PLAAT1: variants seen among roughly 807,000 people sequenced by gnomAD.
PLAAT1 encodes the protein H-REV107 protein-related protein.
In PLAAT1, 13 loss-of-function variants were observed where a neutral mutation model predicts 16.4. The ratio of observed to expected loss-of-function variants is 0.79; its 90% CI spans 0.52 to 1.26. PLAAT1 has a LOEUF of 1.26. PLAAT1 is among the 50% of genes most tolerant of loss of function. PLAAT1 has a pLI of 0.00. For synonymous variants in PLAAT1, 73 were observed against 78.4 expected (o/e 0.93, Z 0.36); for missense variants, 218 against 207.8 (o/e 1.05, Z -0.30).
intron 2 of PLAAT1, among the ~76,000 whole-genome samples, chr3:193,259,237 A>T (rs997873339): frequency 6.6e-6 from 1 of 152,132 alleles, no homozygotes; most frequent in African/African-American, 2.4e-5. Context: ...AAGGAACATA[A>T]CCTCAAAATA....
intron 2 of PLAAT1, among the ~76,000 whole-genome samples, chr3:193,256,085 A>G (rs1309027033): frequency 7.9e-5 from 12 of 152,176 alleles, no homozygotes; most frequent in Admixed American, 7.9e-4. Context: ...CAGTGTCTTT[A>G]TGTTTCACAC....
chr3:193,247,016 TA>T, intron 1 of PLAAT1, among the ~76,000 whole-genome samples: 1 of 152,206 alleles, frequency 6.6e-6, no homozygotes, highest in Non-Finnish European at 1.5e-5. Flanking sequence ...GATTGTTTAT[TA>T]CAATTCAATT....
chr3:193,272,064 C>T (rs1462108427), downstream of PLAAT1, among the ~76,000 whole-genome samples: 1 of 152,112 alleles, frequency 6.6e-6, no homozygotes, highest in Non-Finnish European at 1.5e-5. Flanking sequence ...CTACCAGGAA[C>T]TAATGAGAGA....
intron 1 of PLAAT1, among the ~76,000 whole-genome samples, chr3:193,251,859 T>C (rs1463166570): frequency 1.3e-5 from 2 of 152,154 alleles, no homozygotes; most frequent in Non-Finnish European, 2.9e-5. Context: ...TTAGTGTGTT[T>C]GTAGGAGAAG....
At chr3:193,261,995 C>T (rs1390568017) in intron 2 of PLAAT1, among the ~76,000 whole-genome samples, 1 of 152,168 alleles carries the variant, frequency 6.6e-6, no homozygotes, top group African/African-American at 2.4e-5. Context: ...GTTTTGCTTT[C>T]AGTCATTACT....
chr3:193,270,565 A>G, intron 3 of PLAAT1, 39 bp from the exon 4 acceptor site: 1 of 1,594,542 alleles, frequency 6.3e-7, no homozygotes, highest in East Asian at 2.2e-5. Context: ...TGTCTTTAGA[A>G]TATGATGTGT....
chr3:193,255,426 A>G (rs989702500), intron 1 of PLAAT1, among the ~76,000 whole-genome samples: 8 of 152,202 alleles, frequency 5.3e-5, no homozygotes, highest in East Asian at 1.9e-4. Context: ...AAGCATTACT[A>G]TAGAAAATTA....
intron 3 of PLAAT1, among the ~76,000 whole-genome samples, chr3:193,270,386 T>C (rs1343823668): frequency 6.6e-6 from 1 of 152,206 alleles, no homozygotes; most frequent in Non-Finnish European, 1.5e-5. Flanking sequence ...GAGGAATATA[T>C]ACCCATGTGT....
At chr3:193,267,782 T>C (rs1716832016) in intron 3 of PLAAT1, among the ~76,000 whole-genome samples, 1 of 152,228 alleles carries the variant, frequency 6.6e-6, no homozygotes, top group Admixed American at 6.5e-5. Flanking sequence ...TGTAAGACAC[T>C]GCCAAACTAT....
downstream of PLAAT1, chr3:193,275,193 G>A (rs1717132933): frequency 1.2e-6 from 2 of 1,614,186 alleles, no homozygotes; most frequent in South Asian, 1.1e-5. Context: ...GGGAGGCCAG[G>A]TTGAGTCTTC....
downstream of PLAAT1, chr3:193,275,008 C>G (rs754145568): frequency 3.7e-6 from 6 of 1,607,508 alleles, no homozygotes; most frequent in East Asian, 1.3e-4. Context: ...GGGAAAAAAG[C>G]AATGCTGTTG....
At chr3:193,252,148 G>C (rs1036049094) in intron 1 of PLAAT1, among the ~76,000 whole-genome samples, 1 of 152,142 alleles carries the variant, frequency 6.6e-6, no homozygotes, top group African/African-American at 2.4e-5. Context: ...ATGGTGGAAT[G>C]CAATGGGGGA....
chr3:193,253,304 TG>T (rs1458454259), intron 1 of PLAAT1, among the ~76,000 whole-genome samples: 2 of 152,346 alleles, frequency 1.3e-5, no homozygotes, highest in South Asian at 2.1e-4. Flanking sequence ...TAACAGTTTA[TG>T]AATCAATTTA....
intron 3 of PLAAT1, among the ~76,000 whole-genome samples, chr3:193,268,587 A>G (rs1335395256): frequency 6.6e-6 from 1 of 152,232 alleles, no homozygotes; most frequent in Non-Finnish European, 1.5e-5. Flanking sequence ...AATCTTGCAC[A>G]TCACATCCCA....
At chr3:193,263,857 A>G (rs12489522) in intron 3 of PLAAT1, among the ~76,000 whole-genome samples, 125,857 of 152,084 alleles carry the variant, frequency 0.83, 52,236 homozygotes, top group East Asian at 0.91. Flanking sequence ...TAGTATGACA[A>G]ATTTCTAGCT....
At chr3:193,277,407 G>A (rs1471036689) in intron 2 of PLAAT1, among the ~76,000 whole-genome samples, 1 of 152,086 alleles carries the variant, frequency 6.6e-6, no homozygotes, top group Non-Finnish European at 1.5e-5. Context: ...TAAAGTGTGA[G>A]AGCCATAACT....
intron 3 of PLAAT1, among the ~76,000 whole-genome samples, chr3:193,264,340 A>G (rs1467585320): frequency 6.6e-6 from 1 of 152,170 alleles, no homozygotes; most frequent in Non-Finnish European, 1.5e-5. Context: ...ATCCTGCCCT[A>G]TACCCAAGAT....
intron 3 of PLAAT1, among the ~76,000 whole-genome samples, chr3:193,264,254 T>C (rs923628304): frequency 1.3e-5 from 2 of 152,150 alleles, no homozygotes. Context: ...AAAAATGTCA[T>C]CTATAAGAAG....
At chr3:193,260,625 A>G (rs1354356038) in intron 2 of PLAAT1, among the ~76,000 whole-genome samples, 1 of 152,198 alleles carries the variant, frequency 6.6e-6, no homozygotes, top group Non-Finnish European at 1.5e-5. Flanking sequence ...ATAGAAATGC[A>G]AATCAAAACC....
Sources: allele counts gnomAD v4.1 joint callset (sites outside exome capture counted in the v4.1 genomes callset), GRCh38; gene constraint gnomAD v4.1.1; transcripts MANE v1.5; gene names NCBI Gene and HGNC (gene_info 2026-07-23, HGNC 2026-07-21).